The following VANGL2 variants were observed in gnomAD, a reference collection of about 807,000 sequenced individuals.
VANGL2 encodes the protein VANGL planar cell polarity protein 2.
A neutral mutation model predicts 50.2 loss-of-function variants in VANGL2; 14 were observed. The ratio of observed to expected loss-of-function variants is 0.28; its 90% confidence interval spans 0.18 to 0.44. The LOEUF (loss-of-function observed/expected upper bound fraction) is 0.44, where lower values mean the gene tolerates loss of function less well. Among genes scored for constraint, VANGL2 ranks in the 20% least tolerant of loss-of-function variants. The pLI is 1.00. For synonymous variants in VANGL2, 295 were observed against 297.2 expected (o/e 0.99, Z 0.08); for missense variants, 533 against 701.5 (o/e 0.76, Z 2.71).
intron 1 of VANGL2, among the ~76,000 whole-genome samples, chr1:160,405,542 A>T (rs750824391): frequency 1.3e-5 from 2 of 151,956 alleles, no homozygotes; most frequent in Non-Finnish European, 2.9e-5. Context: ...GTAATTATAG[A>T]CATAACAGCT....
chr1:160,418,846 T>C (rs1311867759), intron 3 of VANGL2, among the ~76,000 whole-genome samples, 156 bp from the exon 4 acceptor site: 1 of 152,218 alleles, frequency 6.6e-6, no homozygotes, highest in Non-Finnish European at 1.5e-5. Context: ...ACTTTGATGG[T>C]TGCGTATTTG....
Position 160,409,025 on chromosome 1 carries a change from C to T in VANGL2, c.-190-6623C>T, listed in dbSNP as rs542141366. 3.3e-5 allele frequency among the ~76,000 whole-genome samples: 5 copies of T among 152,342 alleles called. No homozygotes were observed. In the East Asian group the frequency reaches 9.6e-4, roughly 29 times the overall value. ...AGATGGATGGGTGCAGGAACCACCC[C>T]TTTTGGGGATAGAGGCTCTTTGGTT... On this transcript the variant is annotated intron_variant, in intron 1 of 7. Coordinates refer to ENST00000368061, the MANE Select transcript of VANGL2 (RefSeq NM_020335.3).
intron 1 of VANGL2, among the ~76,000 whole-genome samples, chr1:160,404,362 G>A (rs1030387390): frequency 6.6e-6 from 1 of 152,180 alleles, no homozygotes; most frequent in East Asian, 1.9e-4. Context: ...TGAGGTGCCA[G>A]GGAAGGTTCC....
chr1:160,403,509 C>T (rs189515918), intron 1 of VANGL2, among the ~76,000 whole-genome samples: 1 of 152,326 alleles, frequency 6.6e-6, no homozygotes, highest in Non-Finnish European at 1.5e-5. Context: ...CCTTTTAGAT[C>T]TGAGGAAATA....
rs572307071 is a variant in VANGL2 at position 160,410,467 on chromosome 1, C to T, written c.-190-5181C>T. On this transcript the variant is annotated intron_variant, in intron 1 of 7. Coordinates refer to ENST00000368061, the MANE Select transcript of VANGL2 (RefSeq NM_020335.3). ...CAGGCCTAAAGTAGCCGGGACTGGG[C>T]TGCGGGGTGGGCCCGGGCTAGAGCA... is the stretch of plus-strand genomic sequence containing the variant. Among the ~76,000 whole-genome samples the T allele has an allele frequency of 2.6e-5, 4 of 152,290 alleles. No homozygotes were observed. In the East Asian group the frequency reaches 7.7e-4, roughly 29 times the overall value.
At chr1:160,423,950 G>C in intron 6 of VANGL2, 102 bp from the exon 7 acceptor site, 2 of 1,319,624 alleles carry the variant, frequency 1.5e-6, no homozygotes, top group Non-Finnish European at 2.2e-6. Context: ...GAGCACAAAG[G>C]CCTGACCTCA....
Position 160,419,451 on chromosome 1 carries a change from C to T in VANGL2, c.642C>T (p.Gly214=), listed in dbSNP as rs571447557. The change falls in exon 4 of 8, where the codon GGC becomes GGT. Residue 214 remains glycine, a synonymous_variant. Transcript: ENST00000368061. The surrounding 1 kb of genome is among the most constrained non-coding windows in gnomAD (Gnocchi z 5.8). ...ILDARERSYQ[G]VVQFAVSLVD... is the part of the protein sequence containing the mutation. ...ATGCTCGGGAGCGCAGCTACCAGGG[C>T]GTGGTGCAGTTCGCCGTGTCGCTGG... 8.7e-6 allele frequency: 14 copies of T among 1,610,378 alleles called. No individual in the cohort carries two copies. The highest frequency in any genetic ancestry group is 1.3e-5 in the African/African-American group (1 of 75,052).
At chr1:160,418,970 T>C in intron 3 of VANGL2, 32 bp from the exon 4 acceptor site, 1 of 1,590,894 alleles carries the variant, frequency 6.3e-7, no homozygotes. Flanking sequence ...CCTTTCCTCC[T>C]TATTGTGTGG....
intron 1 of VANGL2, among the ~76,000 whole-genome samples, chr1:160,414,053 C>T (rs1301139409): frequency 1.3e-5 from 2 of 152,220 alleles, no homozygotes; most frequent in Non-Finnish European, 2.9e-5. Flanking sequence ...GTTGATTTGA[C>T]CACCAACATT....
chr1:160,425,300 C>A lies in VANGL2; in HGVS notation c.1488C>A (p.Phe496Leu). Residue 496 changes from phenylalanine to leucine, a missense_variant, in exon 8 of 8, where the codon TTC (phenylalanine) becomes TTA (leucine). Phe to Leu is a conservative substitution (Grantham distance 22). Transcript: ENST00000368061. ...TGGTCAGCACCAAGAAGGTCCCATT[C>A]TTCAAACTCTCCGAGGAATTTGTGG... The part of the protein sequence containing the change: ...SLVVSTKKVP[F>L]FKLSEEFVDP... The A allele has an allele frequency of 6.2e-7, 1 of 1,613,972 alleles. No individual in the cohort carries two copies. Among genetic ancestry groups the A allele is most frequent in the Admixed American group, 1.7e-5 (1 of 60,000 alleles).
At position 160,425,419 on chromosome 1, in the gene VANGL2, T is replaced by C. The variant is rs371769736; in HGVS notation, c.*41T>C. On this transcript the variant is annotated 3_prime_UTR_variant, in exon 8 of 8. Coordinates refer to ENST00000368061, the MANE Select transcript of VANGL2 (RefSeq NM_020335.3). ...GGGAGTGGGAAACTCTGGGGGGTCC[T>C]GAGGGGGTGGGAGGGGGCTTGGTTC... 27 of 244,396 alleles carry C rather than the reference T, an allele frequency of 1.1e-4. No individual in the cohort carries two copies. The highest frequency in any genetic ancestry group is 1.5e-4 in the Non-Finnish European group (26 of 174,460). The allele number at this position is 244,396 out of a possible 1,614,324, so 15.1% of individuals were successfully genotyped here.
In VANGL2 at chr1:160,415,868, T is replaced by G; in HGVS notation, c.31T>G (p.Ser11Ala). ...CACCGAGTCCCAGTACTCGGGCTAT[T>G]CCTACAAGTCGGGCCACTCCCGCAG... MDTESQYSGYSYKSGHSRSSR... is the reference protein window; with the variant it reads MDTESQYSGYAYKSGHSRSSR... The change falls in exon 2 of 8, where the codon TCC becomes GCC. Residue 11 changes from serine (S) to alanine (A), a missense_variant. Transcript: ENST00000368061. 6.2e-7 allele frequency: 1 copy of G among 1,614,030 alleles called. No homozygotes were observed. The highest frequency in any genetic ancestry group is 8.5e-7 in the Non-Finnish European group (1 of 1,180,004).
intron 3 of VANGL2, among the ~76,000 whole-genome samples, chr1:160,416,454 C>T (rs1651064093): frequency 6.6e-6 from 1 of 152,152 alleles, no homozygotes; most frequent in African/African-American, 2.4e-5. Context: ...TGGGAATTGG[C>T]CAGCTCCTCT....
intron 1 of VANGL2, among the ~76,000 whole-genome samples, chr1:160,405,867 C>T (rs1279398306): frequency 2.6e-5 from 4 of 152,152 alleles, no homozygotes. Context: ...CTCTCTCAGG[C>T]AGTACCTGGA....
chr1:160,401,610 CT>C (rs1650467001), intron 1 of VANGL2, among the ~76,000 whole-genome samples: 1 of 151,876 alleles, frequency 6.6e-6, no homozygotes, highest in Admixed American at 6.6e-5. Context: ...AGGTGGGCCC[CT>C]GGTTTGGATG....
intron 1 of VANGL2, among the ~76,000 whole-genome samples, chr1:160,402,262 G>A (rs896020209): frequency 6.6e-6 from 1 of 152,124 alleles, no homozygotes; most frequent in African/African-American, 2.4e-5. Flanking sequence ...CTCCCCCATC[G>A]TCATAGGCTG....
rs1331871649 is a variant in VANGL2, at chr1:160,426,971, G to T, written c.*1593G>T. 6.6e-6 allele frequency: 1 copy of T among 152,562 alleles called. No individual in the cohort carries two copies. The highest frequency in any genetic ancestry group is 2.4e-5 in the African/African-American group (1 of 41,464). 9.5% of individuals were successfully genotyped at this position (152,562 alleles called of 1,614,324 possible). A position where few individuals can be genotyped will look rare whatever the true frequency, so the allele number is the denominator to read the frequency against. On this transcript the variant is annotated 3_prime_UTR_variant, in exon 8 of 8. Coordinates refer to ENST00000368061, the MANE Select transcript of VANGL2 (RefSeq NM_020335.3). ...TAGCACCAGCCCTGGGAATGATGGA[G>T]CCTAGTGATCGGGGTTTCTCCTGCT...
At chr1:160,409,306 A>G (rs1206565665) in intron 1 of VANGL2, among the ~76,000 whole-genome samples, 1 of 152,160 alleles carries the variant, frequency 6.6e-6, no homozygotes, top group East Asian at 1.9e-4. Context: ...AGTAGTGGCC[A>G]TGGGCTAGTC....
chr1:160,425,431 A>ACACCCGGGGGGGCCCTGGGGGGGGGGGG lies in VANGL2; in HGVS notation c.*53_*54insCACCCGGGGGGGCCCTGGGGGGGGGGGG. 5.3e-6 allele frequency: 1 copy of ACACCCGGGGGGGCCCTGGGGGGGGGGGG among 189,358 alleles called. No individual in the cohort carries two copies. Among genetic ancestry groups the ACACCCGGGGGGGCCCTGGGGGGGGGGGG allele is most frequent in the Admixed American group, 7.2e-5 (1 of 13,816 alleles). 11.7% of individuals were successfully genotyped at this position (189,358 alleles called of 1,614,324 possible). A position where few individuals can be genotyped will look rare whatever the true frequency, so the allele number is the denominator to read the frequency against. On this transcript the variant is annotated 3_prime_UTR_variant, in exon 8 of 8. Coordinates refer to ENST00000368061, the MANE Select transcript of VANGL2 (RefSeq NM_020335.3). Reference sequence around the variant, plus strand: ...CTCTGGGGGGTCCTGAGGGGGTGGGAGGGGGCTTGGTTCTCAGGCCCAGCC... The same window carrying ACACCCGGGGGGGCCCTGGGGGGGGGGGG: ...CTCTGGGGGGTCCTGAGGGGGTGGGACACCCGGGGGGGCCCTGGGGGGGGGGGGGGGGGCTTGGTTCTCAGGCCCAGCC...
Sources: allele counts gnomAD v4.1 joint callset (sites outside exome capture counted in the v4.1 genomes callset), GRCh38; gene constraint gnomAD v4.1.1; non-coding constraint Gnocchi (gnomAD v3.1); transcripts MANE v1.5; gene names NCBI Gene and HGNC (gene_info 2026-07-23, HGNC 2026-07-21).